Variants in DTNA observed in about 807,000 individuals in gnomAD.
DTNA encodes the protein dystrophin-related protein 3.
DTNA carries 43 observed loss-of-function variants against 100.7 expected under a neutral mutation model. The ratio of observed to expected loss-of-function variants is 0.43; its 90% CI spans 0.33 to 0.55. The LOEUF (loss-of-function observed/expected upper bound fraction) is 0.55, where lower values mean the gene tolerates loss of function less well. Among genes scored for constraint, DTNA ranks in the 20% least tolerant of loss-of-function variants. The probability of loss-of-function intolerance (pLI) is 0.04; values close to 1 mark genes in which losing one functional copy is unlikely to be tolerated. For missense variants in DTNA, 798 were observed against 953.9 expected (o/e 0.84, Z 2.15); for synonymous variants, 349 against 347.9 (o/e 1.00, Z -0.04).
chr18:34,588,549 G>T (rs1480744448), intron 1 of DTNA, among the ~76,000 whole-genome samples: 1 of 152,092 alleles, frequency 6.6e-6, no homozygotes, highest in East Asian at 1.9e-4. Context: ...ACATTAAAGA[G>T]CATCTTCATC....
At chr18:34,642,546 C>CTTCT (rs1047724015) in intron 1 of DTNA, among the ~76,000 whole-genome samples, 4 of 148,086 alleles carry the variant, frequency 2.7e-5, no homozygotes, top group South Asian at 4.3e-4. Flanking sequence ...TCCTTCCTTC[C>CTTCT]TTCTTTCTTT....
At chr18:34,814,712 A>G (rs769294092) in intron 6 of DTNA, among the ~76,000 whole-genome samples, 1 of 151,798 alleles carries the variant, frequency 6.6e-6, no homozygotes, top group Admixed American at 6.6e-5. Flanking sequence ...AAAAAAGAGA[A>G]AAAAGGACCT....
chr18:34,787,913 G>GAACT (rs1231797286), intron 3 of DTNA, among the ~76,000 whole-genome samples: 1 of 152,150 alleles, frequency 6.6e-6, no homozygotes, highest in East Asian at 1.9e-4. Context: ...ATTCCATGAA[G>GAACT]AACTAAATAT....
intron 17 of DTNA, 48 bp from the exon 18 acceptor site, chr18:34,875,191 T>C (rs372521117): frequency 6.2e-7 from 1 of 1,607,794 alleles, no homozygotes; most frequent in South Asian, 1.1e-5. Context: ...GGATGACATA[T>C]GACATTTTCT....
chr18:34,576,956 T>C (rs899303518), intron 1 of DTNA, among the ~76,000 whole-genome samples: 4 of 152,138 alleles, frequency 2.6e-5, no homozygotes, highest in African/African-American at 9.7e-5. Context: ...GCCTTAGAGA[T>C]ACAACTTGCC....
At chr18:34,497,309 G>A (rs1281062578) in intron 1 of DTNA, among the ~76,000 whole-genome samples, 1 of 152,156 alleles carries the variant, frequency 6.6e-6, no homozygotes, top group Non-Finnish European at 1.5e-5. Context: ...ATTGAGTGCT[G>A]AAGATGCTGG....
intron 1 of DTNA, among the ~76,000 whole-genome samples, chr18:34,615,702 G>C (rs1452269704): frequency 6.6e-6 from 1 of 152,156 alleles, no homozygotes; most frequent in Admixed American, 6.5e-5. Flanking sequence ...GTAATAAGCA[G>C]AGTACTCAGT....
intron 7 of DTNA, 151 bp from the exon 8 acceptor site, chr18:34,818,013 A>C: frequency 6.5e-7 from 1 of 1,539,504 alleles, no homozygotes. Flanking sequence ...AGATTCCAGG[A>C]ATGAACTAAA....
At chr18:34,571,680 T>C (rs2047605124) in intron 1 of DTNA, among the ~76,000 whole-genome samples, 1 of 152,166 alleles carries the variant, frequency 6.6e-6, no homozygotes, top group Non-Finnish European at 1.5e-5. Context: ...AAGAGTTTTA[T>C]CCTGTTTAAT....
At chr18:34,556,162 G>A (rs376135605) in intron 1 of DTNA, among the ~76,000 whole-genome samples, 4 of 150,964 alleles carry the variant, frequency 2.6e-5, no homozygotes, top group East Asian at 3.9e-4. Context: ...GTTGGTTTAA[G>A]GTCTGTTTTA....
intron 17 of DTNA, chr18:34,867,092 A>G (rs753147808): frequency 3.4e-5 from 42 of 1,231,082 alleles, no homozygotes; most frequent in Non-Finnish European, 4.3e-5. Flanking sequence ...TATCCCACTC[A>G]CTAGCATTAT....
At chr18:34,495,888 T>C (rs546484672) in intron 1 of DTNA, among the ~76,000 whole-genome samples, 64 of 151,374 alleles carry the variant, frequency 4.2e-4, no homozygotes, top group Non-Finnish European at 4.4e-4. Flanking sequence ...TTACTCTTCA[T>C]TTGAGCTTAT....
Position 34,860,237 on chromosome 18 carries a change from T to TG in DTNA, c.1646+1839_1646+1840insG, listed in dbSNP as rs1347878384. 8.1e-3 allele frequency among the ~76,000 whole-genome samples: 1,128 copies of TG among 138,796 alleles called. 10 individuals are homozygous for TG. Among genetic ancestry groups the TG allele is most frequent in the Middle Eastern group, 0.015 (4 of 266 alleles). The allele number at this position is 138,796 out of a possible 152,430, so 91.1% of individuals were successfully genotyped here. On this transcript the variant is annotated intron_variant, in intron 16 of 22. Coordinates refer to ENST00000444659, the MANE Select transcript of DTNA (RefSeq NM_001386795.1). The stretch of plus-strand genomic sequence containing the variant: ...AATTTTTTGTTTTTTTTTTTTTTTT[T>TG]TTTTTTTTTTTTGGAGAGACGGGGT...
chr18:34,745,055 G>A (rs2147872293), intron 1 of DTNA, among the ~76,000 whole-genome samples: 2 of 152,044 alleles, frequency 1.3e-5, no homozygotes, highest in African/African-American at 4.8e-5. Context: ...AGTGAGAAGG[G>A]GCCTGCATAG....
At chr18:34,785,198 C>T (rs938659580) in intron 3 of DTNA, among the ~76,000 whole-genome samples, 4 of 152,154 alleles carry the variant, frequency 2.6e-5, no homozygotes, top group African/African-American at 9.7e-5. Context: ...TAGGCGTGAG[C>T]CACCACACCG....
chr18:34,761,844 A>G (rs2093192807), intron 2 of DTNA, among the ~76,000 whole-genome samples: 1 of 152,236 alleles, frequency 6.6e-6, no homozygotes, highest in South Asian at 2.1e-4. Context: ...AATCACTTAG[A>G]TCAGTTGAAT....
At position 34,822,364 on chromosome 18, in the gene DTNA, T is replaced by G. The variant is rs1309923060; in HGVS notation, c.1001+1449T>G. The G allele has an allele frequency of 3.9e-5, 6 of 152,224 alleles. 1 individual carries two copies. 9.4% of individuals were successfully genotyped at this position (152,224 alleles called of 1,614,324 possible). ...ACCACAGCGAAGTGAGAGCAGCCAG[T>G]GCTCCCTGAGCTCTGCCGAGAGTAA... is the stretch of plus-strand genomic sequence containing the variant. On this transcript the variant is annotated intron_variant, in intron 9 of 22. Transcript: ENST00000444659.
intron 1 of DTNA, among the ~76,000 whole-genome samples, chr18:34,678,084 A>G (rs1296123307): frequency 1.3e-5 from 2 of 152,150 alleles, no homozygotes; most frequent in Non-Finnish European, 2.9e-5. Flanking sequence ...AAAAGCCCCT[A>G]TACTATCACA....
Position 34,825,283 on chromosome 18 carries a change from G to C in DTNA, c.1002-2310G>C, listed in dbSNP as rs1568661783. 6.2e-7 allele frequency: 1 copy of C among 1,613,260 alleles called. No homozygotes were observed. The highest frequency in any genetic ancestry group is 1.7e-5 in the Admixed American group (1 of 60,006). ...TGCCAAAAGTGATACTTGGTAAGTA[G>C]TGCAGTCATTTCCAGTCTACTTACA... On this transcript the variant is annotated intron_variant, in intron 9 of 22. Coordinates refer to ENST00000444659, the MANE Select transcript of DTNA (RefSeq NM_001386795.1).
Sources: gnomAD v4.1 joint callset for allele counts (sites outside exome capture counted in the v4.1 genomes callset) on GRCh38, gnomAD v4.1.1 for gene constraint, MANE v1.5 for transcripts, NCBI Gene and HGNC (gene_info 2026-07-23, HGNC 2026-07-21) for gene names.